The following CFB variants were observed in gnomAD, a reference collection of about 807,000 sequenced individuals.
CFB encodes the protein B-factor, properdin.
In CFB, 59 loss-of-function variants were observed where a neutral mutation model predicts 97.2. That is an observed-to-expected ratio of 0.61 (90% CI 0.49 to 0.75). The LOEUF (loss-of-function observed/expected upper bound fraction) is 0.75, where lower values mean the gene tolerates loss of function less well. CFB is among the 30% of genes least tolerant of loss of function. The pLI is 0.00. For synonymous variants in CFB, 316 were observed against 351.7 expected (o/e 0.90, Z 1.14); for missense variants, 771 against 959.8 (o/e 0.80, Z 2.60).
rs1316981466 is a variant in CFB, at chr6:31,951,272, C to T, written c.1956+28C>T. The T allele has an allele frequency of 6.2e-7, 1 of 1,613,364 alleles. No homozygotes were observed. The highest frequency in any genetic ancestry group is 1.1e-5 in the South Asian group (1 of 91,082). On this transcript the variant is annotated intron_variant, in intron 15 of 17. Transcript: ENST00000425368. The surrounding 1 kb of genome is among the most constrained non-coding windows in gnomAD (Gnocchi z 4.3). ...GAGAAACGGGCATCCTAAGGAGGCA[C>T]TCTAGGCCCCAATCCTTCCTAAGCC...
At position 31,950,072 on chromosome 6, in the gene CFB, CTG is replaced by C; in HGVS notation, c.1434_1435del (p.Cys478TrpfsTer40). Reference sequence around the variant, plus strand: ...CAGATGAAAGCCAGTCTCTGAGTCTCTGTGGCATGGTTTGGGAACACAGGAAG... The same window carrying C: ...CAGATGAAAGCCAGTCTCTGAGTCTCTGGCATGGTTTGGGAACACAGGAAG... ...MIDESQSLSL[C>X]GMVWEHRKGT... On this transcript the variant is annotated frameshift_variant, in exon 11 of 18. Transcript: ENST00000425368. LOFTEE classifies it high-confidence loss of function. The C allele has an allele frequency of 6.2e-7, 1 of 1,613,112 alleles. No individual in the cohort carries two copies. Among genetic ancestry groups the C allele is most frequent in the Non-Finnish European group, 8.5e-7 (1 of 1,180,048 alleles).
Position 31,948,377 on chromosome 6 carries a change from G to A in CFB, c.901G>A (p.Ala301Thr), listed in dbSNP as rs767253167. 6.2e-7 allele frequency: 1 copy of A among 1,614,154 alleles called. No homozygotes were observed. Among genetic ancestry groups the A allele is most frequent in the Non-Finnish European group, 8.5e-7 (1 of 1,180,026 alleles). The change falls in exon 7 of 18, where the codon GCA becomes ACA. Residue 301 changes from alanine (A) to threonine (T), a missense_variant. Transcript: ENST00000425368. ...GCCTTGTTCTCCTCACCCACAGGTGGCAAGTTATGGTGTGAAGCCAAGATA... is the reference window on the plus strand; with the variant it reads ...GCCTTGTTCTCCTCACCCACAGGTGACAAGTTATGGTGTGAAGCCAAGATA... ...KCLVNLIEKV[A>T]SYGVKPRYGL...
chr6:31,949,060 C>T, intron 8 of CFB, 99 bp downstream of exon 8: 3 of 1,551,962 alleles, frequency 1.9e-6, no homozygotes, highest in Non-Finnish European at 2.7e-6. Context: ...GGTTGGGGCC[C>T]TGAATGTGAC....
chr6:31,946,479 A>C lies in CFB; in HGVS notation c.171A>C (p.Ala57=). 1 of 1,613,062 alleles carries C rather than the reference A, an allele frequency of 6.2e-7. No individual in the cohort carries two copies. The highest frequency in any genetic ancestry group is 8.5e-7 in the Non-Finnish European group (1 of 1,180,020). The change falls in exon 2 of 18, where the codon GCA becomes GCC. Residue 57 remains alanine, a synonymous_variant. Coordinates refer to ENST00000425368, the MANE Select transcript of CFB (RefSeq NM_001710.6). The surrounding 1 kb of genome is among the most constrained non-coding windows in gnomAD (Gnocchi z 6.4). ...GSFRLLQEGQ[A]LEYVCPSGFY... ...TCCGACTTCTCCAAGAGGGCCAGGCACTGGAGTACGTGTGTCCTTCTGGCT... is the reference window on the plus strand; with the variant it reads ...TCCGACTTCTCCAAGAGGGCCAGGCCCTGGAGTACGTGTGTCCTTCTGGCT...
intron 8 of CFB, 111 bp downstream of exon 8, chr6:31,949,072 CAT>C: frequency 2.0e-6 from 3 of 1,522,322 alleles, no homozygotes; most frequent in Non-Finnish European, 1.8e-6. Context: ...GAATGTGACT[CAT>C]AGCTGGCTGT....
At chr6:31,949,634 G>A in intron 10 of CFB, 77 bp downstream of exon 10, 2 of 1,571,874 alleles carry the variant, frequency 1.3e-6, no homozygotes, top group Non-Finnish European at 1.7e-6. Flanking sequence ...CTCTACACCT[G>A]AAGCTCTAGT....
At position 31,949,556 on chromosome 6, in the gene CFB, C is replaced by G. The variant is rs201798809; in HGVS notation, c.1407C>G (p.Ile469Met). ...ENLEDVFYQMIDESQSLSLCG... is the reference protein window; with the variant it reads ...ENLEDVFYQMMDESQSLSLCG... ...TGGAAGATGTTTTCTACCAAATGAT[C>G]GGTAGGGAGATACAAGGGAATAAAG... is the stretch of plus-strand genomic sequence containing the variant. Residue 469 changes from isoleucine (I) to methionine (M), a missense_variant and splice_region_variant, in exon 10 of 18, where the codon ATC (isoleucine) becomes ATG (methionine). By Grantham distance (10) the Ile-to-Met change is conservative (BLOSUM62 1). Transcript: ENST00000425368. 240 of 1,612,996 alleles carry G rather than the reference C, an allele frequency of 1.5e-4. No homozygotes were observed. Among genetic ancestry groups the G allele is most frequent in the Non-Finnish European group, 2.0e-4 (232 of 1,180,028 alleles).
chr6:31,947,109 G>C lies in CFB; in HGVS notation c.401G>C (p.Gly134Ala), dbSNP rs762998024. ...SDEISFHCYD[G>A]YTLRGSANRT... is the part of the protein sequence containing the mutation. ...GAGATCTCTTTCCACTGCTATGACG[G>C]TTACACTCTCCGGGGCTCTGCCAAT... The change falls in exon 3 of 18, where the codon GGT becomes GCT. Residue 134 changes from glycine to alanine, a missense_variant. Physicochemically the swap from Gly to Ala is moderately conservative, Grantham distance 60 (BLOSUM62 0). Transcript: ENST00000425368. This position sits in a 1 kb window ranked among gnomAD's most constrained non-coding sequence, Gnocchi z 5.3. The C allele has an allele frequency of 1.9e-6, 3 of 1,613,002 alleles. No individual in the cohort carries two copies. Among genetic ancestry groups the C allele is most frequent in the Non-Finnish European group, 1.7e-6 (2 of 1,180,020 alleles).
chr6:31,951,609 G>A lies in CFB; in HGVS notation c.2139+5G>A. ...AAGAGAAGTCGTTTCATTCAAGTGAGTCCTCCCTTTCCTATCTGGGGAGAT... is the reference window on the plus strand; with the variant it reads ...AAGAGAAGTCGTTTCATTCAAGTGAATCCTCCCTTTCCTATCTGGGGAGAT... On this transcript the variant is annotated splice_donor_5th_base_variant and intron_variant, in intron 17 of 17. Transcript: ENST00000425368. This position sits in a 1 kb window ranked among gnomAD's most constrained non-coding sequence, Gnocchi z 4.3. 6.2e-7 allele frequency: 1 copy of A among 1,614,190 alleles called. No homozygotes were observed. Among genetic ancestry groups the A allele is most frequent in the Non-Finnish European group, 8.5e-7 (1 of 1,180,030 alleles).
intron 6 of CFB, 134 bp downstream of exon 6, chr6:31,948,215 C>A: frequency 6.7e-7 from 1 of 1,497,822 alleles, no homozygotes; most frequent in Non-Finnish European, 9.1e-7. Flanking sequence ...GTCCTCCTTC[C>A]CTTTTACTTG....
In CFB at chr6:31,949,545, T is replaced by C. The variant is rs1380053331; in HGVS notation, c.1396T>C (p.Tyr466His). ...KDMENLEDVF[Y>H]QMIDESQSLS... The stretch of plus-strand genomic sequence containing the variant: ...TATGGAAAACCTGGAAGATGTTTTC[T>C]ACCAAATGATCGGTAGGGAGATACA... The change falls in exon 10 of 18, where the codon TAC becomes CAC. Residue 466 changes from tyrosine to histidine, a missense_variant. Physicochemically the swap from Tyr to His is moderately conservative, Grantham distance 83 (BLOSUM62 2). Coordinates refer to ENST00000425368, the MANE Select transcript of CFB (RefSeq NM_001710.6). The C allele has an allele frequency of 6.2e-7, 1 of 1,613,082 alleles. No individual in the cohort carries two copies. Among genetic ancestry groups the C allele is most frequent in the Non-Finnish European group, 8.5e-7 (1 of 1,180,044 alleles).
In CFB at chr6:31,949,278, A is replaced by G; in HGVS notation, c.1204A>G (p.Ile402Val). ...HNMGGDPITV[I>V]DEIRDLLYIG... is the part of the protein sequence containing the mutation. ...CATGGGCGGGGACCCAATTACTGTC[A>G]TTGATGAGATCCGGGACTTGCTATA... Residue 402 changes from isoleucine (I) to valine (V), a missense_variant, in exon 9 of 18, where the codon ATT becomes GTT. Ile to Val is a conservative substitution (Grantham distance 29). Transcript: ENST00000425368. 6.2e-7 allele frequency: 1 copy of G among 1,614,150 alleles called. No homozygotes were observed. The highest frequency in any genetic ancestry group is 8.5e-7 in the Non-Finnish European group (1 of 1,180,036).
At chr6:31,948,319 CCAAT>C (rs1771561829) in intron 6 of CFB, 51 bp from the exon 7 acceptor site, 8 of 1,612,558 alleles carry the variant, frequency 5.0e-6, no homozygotes, top group African/African-American at 2.7e-5. Context: ...CTGAAATCTC[CCAAT>C]CACAGTATTC....
rs144812066 is a variant in CFB, at chr6:31,947,807, A to C, written c.724A>C (p.Ile242Leu). ...EAFLSSLTET[I>L]EGVDAEDGHG... ...TTTCCTGTCTTCCCTGACAGAGACC[A>C]TAGAAGGAGTCGATGCTGAGGATGG... Residue 242 changes from isoleucine (I) to leucine (L), a missense_variant, in exon 5 of 18, where the codon ATA becomes CTA. Ile to Leu is a conservative substitution (Grantham distance 5, BLOSUM62 2). Coordinates refer to ENST00000425368, the MANE Select transcript of CFB (RefSeq NM_001710.6). This position sits in a 1 kb window ranked among gnomAD's most constrained non-coding sequence, Gnocchi z 5.3. The C allele has an allele frequency of 1.4e-3, 2,256 of 1,613,684 alleles. 1 individual carries two copies. Among genetic ancestry groups the C allele is most frequent in the African/African-American group, 3.0e-3 (228 of 75,040 alleles).
chr6:31,947,761 C>T lies in CFB; in HGVS notation c.678C>T (p.Thr226=). 1.9e-6 allele frequency: 3 copies of T among 1,613,138 alleles called. No individual in the cohort carries two copies. Among genetic ancestry groups the T allele is most frequent in the Non-Finnish European group, 2.5e-6 (3 of 1,180,020 alleles). The change falls in exon 5 of 18, where the codon ACC becomes ACT. Residue 226 remains threonine, a synonymous_variant. Coordinates refer to ENST00000425368, the MANE Select transcript of CFB (RefSeq NM_001710.6). The surrounding 1 kb of genome is among the most constrained non-coding windows in gnomAD (Gnocchi z 5.3). ...TCCCAGACTCCTTCATGTACGACAC[C>T]CCTCAAGAGGTGGCCGAAGCTTTCC... The part of the protein sequence containing the change: ...PSCQDSFMYD[T]PQEVAEAFLS...
At position 31,949,504 on chromosome 6, in the gene CFB, T is replaced by C; in HGVS notation, c.1355T>C (p.Val452Ala). 2 of 1,613,810 alleles carry C rather than the reference T, an allele frequency of 1.2e-6. No homozygotes were observed. Among genetic ancestry groups the C allele is most frequent in the Non-Finnish European group, 8.5e-7 (1 of 1,180,038 alleles). ...TCCAAGAAAGACAATGAGCAACATG[T>C]GTTCAAAGTCAAGGATATGGAAAAC... ...LASKKDNEQH[V>A]FKVKDMENLE... The change falls in exon 10 of 18, where the codon GTG becomes GCG. Residue 452 changes from valine (V) to alanine (A), a missense_variant. Transcript: ENST00000425368.
rs186794325 is a variant in CFB at position 31,946,512 on chromosome 6, G to A, written c.204G>A (p.Pro68=). Residue 68 remains proline (P), a synonymous_variant, in exon 2 of 18, where the codon CCG becomes CCA. Transcript: ENST00000425368. The surrounding 1 kb of genome is among the most constrained non-coding windows in gnomAD (Gnocchi z 6.4). ...ACGTGTGTCCTTCTGGCTTCTACCCGTACCCTGTGCAGACACGTACCTGCA... is the reference window on the plus strand; with the variant it reads ...ACGTGTGTCCTTCTGGCTTCTACCCATACCCTGTGCAGACACGTACCTGCA... The part of the protein sequence containing the change: ...LEYVCPSGFY[P]YPVQTRTCRS... 39 of 1,613,024 alleles carry A rather than the reference G, an allele frequency of 2.4e-5. No homozygotes were observed. The highest frequency in any genetic ancestry group is 3.3e-4 in the Middle Eastern group (2 of 6,062).
Position 31,947,702 on chromosome 6 carries a change from G to A in CFB, c.659-40G>A. ...CCGTCTCTTTGGTCACTGTATCCCTGACACTCCCAGACATTTGACCTCATT... is the reference window on the plus strand; with the variant it reads ...CCGTCTCTTTGGTCACTGTATCCCTAACACTCCCAGACATTTGACCTCATT... On this transcript the variant is annotated intron_variant, in intron 4 of 17. Coordinates refer to ENST00000425368, the MANE Select transcript of CFB (RefSeq NM_001710.6). The surrounding 1 kb of genome is among the most constrained non-coding windows in gnomAD (Gnocchi z 5.3). 2 of 1,605,324 alleles carry A rather than the reference G, an allele frequency of 1.2e-6. No homozygotes were observed. The highest frequency in any genetic ancestry group is 1.7e-6 in the Non-Finnish European group (2 of 1,173,158).
intron 6 of CFB, 56 bp from the exon 7 acceptor site, chr6:31,948,317 TC>T: frequency 6.2e-7 from 1 of 1,612,360 alleles, no homozygotes; most frequent in Non-Finnish European, 8.5e-7. Context: ...CGCTGAAATC[TC>T]CCAATCACAG....
Sources: gnomAD v4.1 joint callset for allele counts on GRCh38, gnomAD v4.1.1 for gene constraint, Gnocchi (gnomAD v3.1) non-coding constraint, MANE v1.5 for transcripts, NCBI Gene and HGNC (gene_info 2026-07-23, HGNC 2026-07-21) for gene names.